The following PGBD5 variants were observed in gnomAD, a reference collection of about 807,000 sequenced individuals.
PGBD5 encodes the protein piggyBac transposable element derived 5, also known as piggyBac transposable element-derived protein 5.
Under a neutral mutation model 47.9 loss-of-function variants are expected in PGBD5, and 14 were observed. The observed-to-expected ratio is 0.29, with a 90% CI of 0.19 to 0.46. The LOEUF is 0.46. Among genes scored for constraint, PGBD5 ranks in the 20% least tolerant of loss-of-function variants. The pLI is 1.00. For missense variants in PGBD5, 635 were observed against 716.0 expected (o/e 0.89, Z 1.29); for synonymous variants, 316 against 306.3 (o/e 1.03, Z -0.33).
Position 230,321,238 on chromosome 1 carries a change from ACTG to A in PGBD5, c.*2184_*2186del, listed in dbSNP as rs1253585112. ...AAACTCAAAAACATTTCTTTTTTAA[ACTG>A]CTCAGTGGTTTGAGACACCAAGAAC... On this transcript the variant is annotated 3_prime_UTR_variant, in exon 7 of 7. Coordinates refer to ENST00000391860, the MANE Select transcript of PGBD5 (RefSeq NM_001258311.2). 6.6e-6 allele frequency: 1 copy of A among 152,266 alleles called. No individual in the cohort carries two copies. Among genetic ancestry groups the A allele is most frequent in the Non-Finnish European group, 1.5e-5 (1 of 68,052 alleles). 9.4% of individuals were successfully genotyped at this position (152,266 alleles called of 1,614,324 possible). A position where few individuals can be genotyped will look rare whatever the true frequency, so the allele number is the denominator to read the frequency against.
chr1:230,371,049 C>A (rs560349142), intron 1 of PGBD5, among the ~76,000 whole-genome samples: 1 of 152,148 alleles, frequency 6.6e-6, no homozygotes, highest in Non-Finnish European at 1.5e-5. Context: ...CAGTCTGGTC[C>A]CTGCTCACTT....
chr1:230,333,283 A>G (rs747489445), intron 4 of PGBD5, among the ~76,000 whole-genome samples: 6 of 152,106 alleles, frequency 3.9e-5, no homozygotes, highest in Non-Finnish European at 7.4e-5. Flanking sequence ...ACAGTATGCT[A>G]AGACTGCATG....
At chr1:230,333,400 T>C (rs1667254188) in intron 4 of PGBD5, among the ~76,000 whole-genome samples, 1 of 152,140 alleles carries the variant, frequency 6.6e-6, no homozygotes, top group Admixed American at 6.5e-5. Context: ...CATCATCCCA[T>C]CTACTTCAAG....
rs1034917869 is a variant in PGBD5 at position 230,345,009 on chromosome 1, C to T, written c.894+5949G>A. On this transcript the variant is annotated intron_variant, in intron 3 of 6. Coordinates refer to ENST00000391860, the MANE Select transcript of PGBD5 (RefSeq NM_001258311.2). ...CAGTGTTCATCCATCTGTCAACATC[C>T]CTTGCTGGGAACGTTGGTCTCATGC... 3.5e-4 allele frequency among the ~76,000 whole-genome samples: 53 copies of T among 152,178 alleles called. 1 individual carries two copies. The highest frequency in any genetic ancestry group is 1.3e-3 in the African/African-American group (53 of 41,432).
Position 230,393,570 on chromosome 1 carries a change from G to A in PGBD5, c.331+32028C>T, listed in dbSNP as rs1656843336. On this transcript the variant is annotated intron_variant, in intron 1 of 6. Coordinates refer to ENST00000391860, the MANE Select transcript of PGBD5 (RefSeq NM_001258311.2). ...AGAAAATAATAGGCCGGGCGCGGTG[G>A]CTCACGCCTGTAATCCCAGCACTTT... Among the ~76,000 whole-genome samples the A allele has an allele frequency of 5.9e-5, 9 of 152,242 alleles. No homozygotes were observed. The South Asian group carries it at 1.9e-3, about 32-fold the overall frequency.
intron 1 of PGBD5, among the ~76,000 whole-genome samples, chr1:230,359,887 A>C (rs1331583401): frequency 6.6e-6 from 1 of 152,178 alleles, no homozygotes; most frequent in African/African-American, 2.4e-5. Flanking sequence ...TTCACCAACC[A>C]TTTTTTGGGC....
intron 1 of PGBD5, among the ~76,000 whole-genome samples, chr1:230,406,712 G>A (rs1272647367): frequency 6.6e-6 from 1 of 152,006 alleles, no homozygotes; most frequent in Non-Finnish European, 1.5e-5. Context: ...TTTTATTCAG[G>A]CTATAACTAT....
chr1:230,334,559 C>T (rs1332374064), intron 4 of PGBD5, among the ~76,000 whole-genome samples: 2 of 152,170 alleles, frequency 1.3e-5, no homozygotes, highest in African/African-American at 4.8e-5. Flanking sequence ...AGACTCTCAG[C>T]TCTGATTCTT....
intron 1 of PGBD5, among the ~76,000 whole-genome samples, chr1:230,369,027 G>T (rs931649812): frequency 5.3e-5 from 8 of 152,230 alleles, no homozygotes; most frequent in Non-Finnish European, 1.2e-4. Context: ...TGAACAAAAA[G>T]GAAGTGGCAC....
chr1:230,383,291 C>T (rs1328037325), intron 1 of PGBD5, among the ~76,000 whole-genome samples: 2 of 151,886 alleles, frequency 1.3e-5, no homozygotes, highest in Non-Finnish European at 2.9e-5. Flanking sequence ...CAGGGCTGGT[C>T]TCGAACTACC....
At chr1:230,370,055 T>A (rs962157444) in intron 1 of PGBD5, among the ~76,000 whole-genome samples, 2 of 152,120 alleles carry the variant, frequency 1.3e-5, no homozygotes, top group African/African-American at 4.8e-5. Context: ...GAGAGTTACG[T>A]TGATGACAGA....
chr1:230,327,231 G>T (rs1380416300), intron 5 of PGBD5, among the ~76,000 whole-genome samples: 1 of 151,630 alleles, frequency 6.6e-6, no homozygotes, highest in Non-Finnish European at 1.5e-5. Context: ...TTTTTTTAAG[G>T]CATTGGCTCA....
At chr1:230,328,841 A>T (rs1368691415) in intron 5 of PGBD5, among the ~76,000 whole-genome samples, 1 of 152,232 alleles carries the variant, frequency 6.6e-6, no homozygotes, top group Non-Finnish European at 1.5e-5. Context: ...GGCAGACTCC[A>T]GGAGGAAGAT....
intron 4 of PGBD5, 85 bp downstream of exon 4, chr1:230,337,023 G>GT: frequency 6.9e-7 from 1 of 1,456,552 alleles, no homozygotes; most frequent in Non-Finnish European, 9.4e-7. Flanking sequence ...TGGCCACCAC[G>GT]TATCTGCACC....
intron 1 of PGBD5, among the ~76,000 whole-genome samples, chr1:230,393,697 C>T (rs1159226473): frequency 6.6e-6 from 1 of 151,934 alleles, no homozygotes; most frequent in Non-Finnish European, 1.5e-5. Flanking sequence ...CAGTGGCGGG[C>T]GCCTGTAGTC....
chr1:230,332,592 C>T (rs1021316865), intron 5 of PGBD5, among the ~76,000 whole-genome samples: 6 of 152,196 alleles, frequency 3.9e-5, no homozygotes, highest in Non-Finnish European at 8.8e-5. Flanking sequence ...GAGCCACCTG[C>T]AAACCCCGTC....
chr1:230,342,356 T>C (rs1667418394), intron 3 of PGBD5, among the ~76,000 whole-genome samples: 1 of 152,166 alleles, frequency 6.6e-6, no homozygotes, highest in Non-Finnish European at 1.5e-5. Context: ...AAGAGCATAT[T>C]TGGGGGAAGG....
chr1:230,403,675 A>T (rs1164096521), intron 1 of PGBD5, among the ~76,000 whole-genome samples: 1 of 152,206 alleles, frequency 6.6e-6, no homozygotes, highest in Non-Finnish European at 1.5e-5. Flanking sequence ...CAGAGCCCAC[A>T]AGTAAAGGGA....
chr1:230,336,599 A>G (rs1404631718), intron 4 of PGBD5, among the ~76,000 whole-genome samples: 1 of 152,180 alleles, frequency 6.6e-6, no homozygotes, highest in Non-Finnish European at 1.5e-5. Context: ...AAAGCCATAG[A>G]AGGCTTGCCC....
Sources: allele counts gnomAD v4.1 joint callset (sites outside exome capture counted in the v4.1 genomes callset), GRCh38; gene constraint gnomAD v4.1.1; transcripts MANE v1.5; gene names NCBI Gene and HGNC (gene_info 2026-07-23, HGNC 2026-07-21).